SLC22A9: variants seen among roughly 807,000 people sequenced by gnomAD.
SLC22A9 encodes organic anion transporter 7.
Under a neutral mutation model 50.1 loss-of-function variants are expected in SLC22A9, and 64 were observed. That is an observed-to-expected ratio of 1.28 (90% confidence interval 1.04 to 1.57). The LOEUF (loss-of-function observed/expected upper bound fraction) is 1.57, where lower values mean the gene tolerates loss of function less well. Ranked by LOEUF, SLC22A9 falls within the 40% of genes most tolerant of loss-of-function variation. The pLI, the probability that SLC22A9 is intolerant of heterozygous loss-of-function variation, is 0.00. For synonymous variants in SLC22A9, 261 were observed against 242.5 expected (o/e 1.08, Z -0.71); for missense variants, 757 against 676.1 (o/e 1.12, Z -1.33).
At chr11:63,386,505 C>T (rs1017129632) in intron 6 of SLC22A9, among the ~76,000 whole-genome samples, 9 of 111,498 alleles carry the variant, frequency 8.1e-5, no homozygotes, top group Middle Eastern at 0.018. Flanking sequence ...CAGTTTAGAA[C>T]GTATTGGTCT....
At chr11:63,377,760 A>G (rs1194537941) in intron 5 of SLC22A9, among the ~76,000 whole-genome samples, 1 of 152,030 alleles carries the variant, frequency 6.6e-6, no homozygotes, top group African/African-American at 2.4e-5. Flanking sequence ...ACAAAACCAA[A>G]GATTGGTAAT....
Position 63,378,493 on chromosome 11 carries a change from T to C in SLC22A9, c.954+2725T>C, listed in dbSNP as rs181863500. Among the ~76,000 whole-genome samples the C allele has an allele frequency of 1.5e-3, 230 of 152,180 alleles. 4 individuals carry two copies. Among genetic ancestry groups the C allele is most frequent in the Admixed American group, 0.015 (228 of 15,272 alleles). On this transcript the variant is annotated intron_variant, in intron 5 of 9. Coordinates refer to ENST00000279178, the MANE Select transcript of SLC22A9 (RefSeq NM_080866.3). ...CAAGGATGTCCACACTCACCAATTC[T>C]ATTAAGCATAGTACTCAAAGTCCTA...
At chr11:63,397,240 G>A (rs555389592) in intron 6 of SLC22A9, among the ~76,000 whole-genome samples, 14 of 152,158 alleles carry the variant, frequency 9.2e-5, no homozygotes, top group South Asian at 6.2e-4. Flanking sequence ...TGGGCATTTT[G>A]TCTCTATACT....
chr11:63,379,094 G>A (rs2014516870), intron 5 of SLC22A9, among the ~76,000 whole-genome samples: 3 of 152,014 alleles, frequency 2.0e-5, no homozygotes, highest in South Asian at 2.1e-4. Context: ...AAAGCTGTAG[G>A]CATCACACTA....
intron 6 of SLC22A9, among the ~76,000 whole-genome samples, chr11:63,390,043 T>A (rs750012463): frequency 6.6e-6 from 1 of 152,170 alleles, no homozygotes; most frequent in Non-Finnish European, 1.5e-5. Flanking sequence ...TCTGGTAAAT[T>A]TGTTTAAGTT....
chr11:63,407,108 T>C (rs1017653903), intron 7 of SLC22A9, among the ~76,000 whole-genome samples: 2 of 152,188 alleles, frequency 1.3e-5, no homozygotes, highest in African/African-American at 4.8e-5. Flanking sequence ...GGCTCTTTCT[T>C]ATTACTACAG....
chr11:63,380,189 A>C (rs568877667), intron 5 of SLC22A9, among the ~76,000 whole-genome samples: 6 of 152,352 alleles, frequency 3.9e-5, no homozygotes, highest in African/African-American at 1.4e-4. Context: ...AAAAAATAAC[A>C]GATGCTGGTG....
Position 63,409,800 on chromosome 11 carries a change from A to G in SLC22A9, c.1602-2A>G. On this transcript the variant is annotated splice_acceptor_variant, in intron 9 of 9. Transcript: ENST00000279178. LOFTEE classifies it high-confidence loss of function. ...TTGTTGGTTTCTTTGTATTTGTTCT[A>G]GGAGAAAAGACCCCAGAGAACCAAA... The G allele has an allele frequency of 6.2e-7, 1 of 1,613,412 alleles. No homozygotes were observed. Among genetic ancestry groups the G allele is most frequent in the Non-Finnish European group, 8.5e-7 (1 of 1,179,658 alleles).
chr11:63,406,733 A>G (rs1389908878), intron 7 of SLC22A9, 22 bp downstream of exon 7: 2 of 1,610,104 alleles, frequency 1.2e-6, no homozygotes, highest in Non-Finnish European at 1.7e-6. Context: ...TCACAGGTGG[A>G]AGAGAGAAAT....
chr11:63,371,388 G>A, intron 2 of SLC22A9, 150 bp downstream of exon 2: 1 of 596,588 alleles, frequency 1.7e-6, no homozygotes, highest in Non-Finnish European at 2.9e-6. Context: ...TCCGTGTTTT[G>A]AGTGCTATTT....
Position 63,394,668 on chromosome 11 carries a change from G to A in SLC22A9, c.1074-11829G>A, listed in dbSNP as rs189780970. On this transcript the variant is annotated intron_variant, in intron 6 of 9. Transcript: ENST00000279178. ...CACAGCGCTTAAGCTTCTTTCCTTT[G>A]TCTTAACTTTAGATAACCTGACGAC... Among the ~76,000 whole-genome samples, 946 of 152,096 alleles carry A rather than the reference G, an allele frequency of 6.2e-3. 10 individuals are homozygous for A. Among genetic ancestry groups the A allele is most frequent in the African/African-American group, 0.021 (855 of 41,486 alleles).
chr11:63,371,174 G>A lies in SLC22A9; in HGVS notation c.442G>A (p.Ala148Thr). 1 of 1,613,370 alleles carries A rather than the reference G, an allele frequency of 6.2e-7. No homozygotes were observed. The highest frequency in any genetic ancestry group is 8.5e-7 in the Non-Finnish European group (1 of 1,179,520). Reference protein sequence around the residue: ...VCDSQSLTSVAKFVFMAGMMV... With the variant: ...VCDSQSLTSVTKFVFMAGMMV... ...TGACTCTCAATCACTGACTTCAGTG[G>A]CTAAATTTGTATTCATGGCTGGAAT... The change falls in exon 2 of 10, where the codon GCT (alanine) becomes ACT (threonine). Residue 148 changes from alanine to threonine, a missense_variant. Physicochemically the swap from Ala to Thr is moderately conservative, Grantham distance 58. Transcript: ENST00000279178.
chr11:63,373,938 T>C lies in SLC22A9; in HGVS notation c.706T>C (p.Leu236=), dbSNP rs80034352. ...THRFQAMGIT[L]GMCPSGIAFM... is the part of the protein sequence containing the mutation. ...CAGATTCCAGGCCATGGGAATTACATTGGGAATGTGCCCTTCTGGTATTGC... is the reference window on the plus strand; with the variant it reads ...CAGATTCCAGGCCATGGGAATTACACTGGGAATGTGCCCTTCTGGTATTGC... The change falls in exon 4 of 10, where the codon TTG becomes CTG. Residue 236 remains leucine (L), a synonymous_variant. Transcript: ENST00000279178. 7.5e-4 allele frequency: 1,216 copies of C among 1,613,692 alleles called. 4 individuals carry two copies. In the African/African-American group the frequency reaches 0.013, roughly 17 times the overall value.
chr11:63,374,706 G>T (rs1308749315), intron 4 of SLC22A9, among the ~76,000 whole-genome samples: 3 of 152,038 alleles, frequency 2.0e-5, no homozygotes. Context: ...TATCTTCCAT[G>T]GTAGTCTATG....
At chr11:63,409,467 C>T (rs2015100482) in intron 9 of SLC22A9, among the ~76,000 whole-genome samples, 1 of 151,794 alleles carries the variant, frequency 6.6e-6, no homozygotes, top group African/African-American at 2.4e-5. Context: ...AAAAATATCT[C>T]ATAACATTTT....
intron 6 of SLC22A9, 29 bp from the exon 7 acceptor site, chr11:63,406,466 AAT>A (rs1407518867): frequency 4.4e-6 from 7 of 1,583,660 alleles, no homozygotes; most frequent in African/African-American, 2.7e-5. Context: ...CACAGATTAT[AAT>A]ATGTTTCTTT....
chr11:63,370,774 T>C (rs2014340960), intron 1 of SLC22A9, among the ~76,000 whole-genome samples: 1 of 152,164 alleles, frequency 6.6e-6, no homozygotes, highest in Admixed American at 6.5e-5. Context: ...TAGAAATATC[T>C]GGGAAATTGA....
chr11:63,370,381 A>C lies in SLC22A9; in HGVS notation c.325A>C (p.Ser109Arg), dbSNP rs753678025. The change falls in exon 1 of 10, where the codon AGT (serine) becomes CGT (arginine). Residue 109 changes from serine to arginine, a missense_variant. Physicochemically the swap from Ser to Arg is moderately radical, Grantham distance 110 (BLOSUM62 -1). Transcript: ENST00000279178. ...LHLNGTFPNT[S>R]DADMEPCVDG... ...CCTGAATGGGACCTTCCCCAACACA[A>C]GTGACGCAGACATGGAGCCCTGTGT... 2 of 1,613,838 alleles carry C rather than the reference A, an allele frequency of 1.2e-6. No individual in the cohort carries two copies. The highest frequency in any genetic ancestry group is 3.3e-5 in the Admixed American group (2 of 60,004).
At position 63,408,765 on chromosome 11, in the gene SLC22A9, C is replaced by T. The variant is rs763129817; in HGVS notation, c.1487C>T (p.Pro496Leu). 5.6e-6 allele frequency: 9 copies of T among 1,613,876 alleles called. No homozygotes were observed. In the East Asian group the frequency reaches 1.6e-4, roughly 28 times the overall value. Residue 496 changes from proline to leucine, a missense_variant, in exon 9 of 10, where the codon CCC (proline) becomes CTC (leucine). By Grantham distance (98) the Pro-to-Leu change is moderately conservative. Transcript: ENST00000279178. ...LMMILSVYSP[P>L]LPWIIYGVFP... is the part of the protein sequence containing the mutation. The stretch of plus-strand genomic sequence containing the variant: ...ATGATCCTAAGTGTGTATTCTCCAC[C>T]CCTGCCCTGGATCATCTATGGAGTC...
Sources: allele counts gnomAD v4.1 joint callset (sites outside exome capture counted in the v4.1 genomes callset), GRCh38; gene constraint gnomAD v4.1.1; transcripts MANE v1.5; gene names NCBI Gene and HGNC (gene_info 2026-07-23, HGNC 2026-07-21).